DOCK2: variants seen among roughly 807,000 people sequenced by gnomAD.
DOCK2 encodes dedicator of cytokinesis 2.
In DOCK2, 87 loss-of-function variants were observed where a neutral mutation model predicts 248.9. The ratio of observed to expected loss-of-function variants is 0.35; its 90% CI spans 0.29 to 0.42. DOCK2 has a LOEUF of 0.42. Among genes scored for constraint, DOCK2 ranks in the 10% least tolerant of loss-of-function variants. The probability of loss-of-function intolerance (pLI) is 1.00; values close to 1 mark genes in which losing one functional copy is unlikely to be tolerated. For synonymous variants in DOCK2, 805 were observed against 821.6 expected (o/e 0.98, Z 0.35); for missense variants, 1,747 against 2,300.2 (o/e 0.76, Z 4.92).
At chr5:169,987,661 T>C (rs1418012859) in intron 29 of DOCK2, among the ~76,000 whole-genome samples, 2 of 152,200 alleles carry the variant, frequency 1.3e-5, no homozygotes, top group East Asian at 3.8e-4. Flanking sequence ...ATTCAAACTT[T>C]AGTCATTTTT....
intron 44 of DOCK2, among the ~76,000 whole-genome samples, chr5:170,066,720 T>C (rs1043229082): frequency 2.0e-5 from 3 of 152,222 alleles, no homozygotes; most frequent in Non-Finnish European, 4.4e-5. Context: ...CAGCAAACTG[T>C]GGCCCATGGA....
At chr5:170,036,172 T>A (rs1421246468) in intron 35 of DOCK2, among the ~76,000 whole-genome samples, 1 of 151,884 alleles carries the variant, frequency 6.6e-6, no homozygotes, top group Non-Finnish European at 1.5e-5. Flanking sequence ...GGGCTGCCTT[T>A]CAATGTGGGC....
At chr5:169,974,753 C>T (rs1296636904) in intron 27 of DOCK2, among the ~76,000 whole-genome samples, 1 of 152,150 alleles carries the variant, frequency 6.6e-6, no homozygotes, top group Non-Finnish European at 1.5e-5. Flanking sequence ...GTGTGAGGCA[C>T]AGAAGCCCAT....
rs187446354 is a variant in DOCK2 at position 169,903,054 on chromosome 5, C to T, written c.2799+62202C>T. Among the ~76,000 whole-genome samples, 1,012 of 151,562 alleles carry T rather than the reference C, an allele frequency of 6.7e-3. 10 individuals are homozygous for T. Among genetic ancestry groups the T allele is most frequent in the African/African-American group, 0.024 (978 of 41,312 alleles). ...TGGAGGTTGCAGTGAGCTGAGATCACGCCACTGTACTCCAGCCTGGCGACA... is the reference window on the plus strand; with the variant it reads ...TGGAGGTTGCAGTGAGCTGAGATCATGCCACTGTACTCCAGCCTGGCGACA... On this transcript the variant is annotated intron_variant, in intron 27 of 51. Transcript: ENST00000520908.
At chr5:169,921,931 A>T (rs1561825699) in intron 27 of DOCK2, among the ~76,000 whole-genome samples, 3 of 152,200 alleles carry the variant, frequency 2.0e-5, no homozygotes, top group Non-Finnish European at 2.9e-5. Flanking sequence ...ATGATCTTTT[A>T]AAAAAATGCT....
intron 46 of DOCK2, chr5:170,075,650 T>G: frequency 3.4e-6 from 1 of 297,552 alleles, no homozygotes. Context: ...CCCAAGTAGA[T>G]TCTTTAAGGG....
intron 30 of DOCK2, among the ~76,000 whole-genome samples, chr5:170,003,429 G>A (rs894277752): frequency 6.6e-5 from 10 of 152,268 alleles, no homozygotes; most frequent in African/African-American, 2.2e-4. Flanking sequence ...ACAAGGCCAG[G>A]TGCAGAACAG....
chr5:169,664,949 TA>T (rs1758641721), intron 2 of DOCK2, among the ~76,000 whole-genome samples: 1 of 149,804 alleles, frequency 6.7e-6, no homozygotes, highest in Non-Finnish European at 1.5e-5. Flanking sequence ...TCAGCATATC[TA>T]TATATGTTTA....
At chr5:169,847,254 CT>C (rs1770371602) in intron 27 of DOCK2, among the ~76,000 whole-genome samples, 1 of 152,222 alleles carries the variant, frequency 6.6e-6, no homozygotes, top group Non-Finnish European at 1.5e-5. Flanking sequence ...ACTTTTGGCT[CT>C]GTAAGGAATT....
At chr5:169,798,260 C>T (rs1202522463) in intron 25 of DOCK2, among the ~76,000 whole-genome samples, 1 of 152,174 alleles carries the variant, frequency 6.6e-6, no homozygotes, top group Non-Finnish European at 1.5e-5. Flanking sequence ...TGCATGTGGC[C>T]TTAATAATCA....
intron 46 of DOCK2, among the ~76,000 whole-genome samples, chr5:170,070,208 G>A (rs1757636174): frequency 6.6e-6 from 1 of 152,280 alleles, no homozygotes; most frequent in African/African-American, 2.4e-5. Flanking sequence ...TGCAGGGGCA[G>A]GTGGTAGCAG....
At chr5:169,806,976 G>A (rs1767409898) in intron 26 of DOCK2, among the ~76,000 whole-genome samples, 1 of 151,544 alleles carries the variant, frequency 6.6e-6, no homozygotes, top group African/African-American at 2.4e-5. Context: ...TGCGGCACAA[G>A]AGATCCGGAA....
At chr5:169,715,611 A>ATT (rs1561629970) in intron 19 of DOCK2, among the ~76,000 whole-genome samples, 4 of 148,544 alleles carry the variant, frequency 2.7e-5, no homozygotes, top group African/African-American at 1.0e-4. Flanking sequence ...TTTTTTTTAA[A>ATT]AAAGTTTGTT....
At chr5:169,651,537 T>G (rs886496891) in intron 1 of DOCK2, among the ~76,000 whole-genome samples, 1 of 152,168 alleles carries the variant, frequency 6.6e-6, no homozygotes, top group African/African-American at 2.4e-5. Flanking sequence ...GATTTGCTCG[T>G]GCTCCAGAGA....
Position 169,906,851 on chromosome 5 carries a change from C to G in DOCK2, c.2799+65999C>G, listed in dbSNP as rs369152032. Among the ~76,000 whole-genome samples the G allele has an allele frequency of 4.6e-5, 7 of 152,322 alleles. No individual in the cohort carries two copies. The East Asian group carries it at 1.4e-3, about 29-fold the overall frequency. ...ATTAGGGCCTGAAGTAGAAAGACTG[C>G]TAGCCGCCTCTGTCCTGCTGGAAAT... On this transcript the variant is annotated intron_variant, in intron 27 of 51. Transcript: ENST00000520908.
chr5:169,770,003 C>T (rs988348369), intron 25 of DOCK2, among the ~76,000 whole-genome samples: 3 of 152,014 alleles, frequency 2.0e-5, no homozygotes, highest in Non-Finnish European at 4.4e-5. Context: ...CTGTGGACCT[C>T]GGTAGTAAAA....
intron 20 of DOCK2, among the ~76,000 whole-genome samples, chr5:169,717,020 A>G (rs1218112070): frequency 6.6e-6 from 1 of 152,230 alleles, no homozygotes; most frequent in Non-Finnish European, 1.5e-5. Flanking sequence ...CATGACAAAT[A>G]TATACTTTGA....
At chr5:169,950,293 C>A (rs995238292) in intron 27 of DOCK2, among the ~76,000 whole-genome samples, 1 of 152,224 alleles carries the variant, frequency 6.6e-6, no homozygotes, top group Non-Finnish European at 1.5e-5. Flanking sequence ...AGAGAACAAG[C>A]AGACCTTCCT....
chr5:169,745,859 C>T (rs993319582), intron 22 of DOCK2, among the ~76,000 whole-genome samples: 2 of 152,042 alleles, frequency 1.3e-5, no homozygotes, highest in African/African-American at 4.8e-5. Context: ...TCTCTGGTGG[C>T]AGAACAAGAA....
Sources: gnomAD v4.1 joint callset for allele counts (sites outside exome capture counted in the v4.1 genomes callset) on GRCh38, gnomAD v4.1.1 for gene constraint, MANE v1.5 for transcripts, NCBI Gene and HGNC (gene_info 2026-07-23, HGNC 2026-07-21) for gene names.